ATP9B: variants seen among roughly 807,000 people sequenced by gnomAD.
ATP9B encodes ATPase phospholipid transporting 9B.
A neutral mutation model predicts 146.1 loss-of-function variants in ATP9B; 110 were observed. That is an observed-to-expected ratio of 0.75 (90% CI 0.65 to 0.88). The LOEUF (loss-of-function observed/expected upper bound fraction) is 0.88, where lower values mean the gene tolerates loss of function less well. ATP9B is among the 40% of genes least tolerant of loss of function. The pLI is 0.00. For missense variants in ATP9B, 1,499 were observed against 1,496.4 expected, an observed-to-expected ratio of 1.00 and a Z score of -0.03; for synonymous variants, 604 against 569.7, an observed-to-expected ratio of 1.06 and a Z score of -0.86.
intron 7 of ATP9B, among the ~76,000 whole-genome samples, chr18:79,174,380 A>T (rs921920203): frequency 6.6e-6 from 1 of 152,228 alleles, no homozygotes; most frequent in African/African-American, 2.4e-5. Context: ...GCATTTACAG[A>T]TTACAACCAC....
intron 13 of ATP9B, among the ~76,000 whole-genome samples, 171 bp from the exon 14 acceptor site, chr18:79,303,433 T>G (rs1193607942): frequency 6.6e-6 from 1 of 151,594 alleles, no homozygotes; most frequent in Non-Finnish European, 1.5e-5. Flanking sequence ...GTTCTTCCTA[T>G]TAAAATGAAA....
chr18:79,361,325 A>G (rs553854321), intron 26 of ATP9B: 1 of 152,336 alleles, frequency 6.6e-6, no homozygotes, highest in African/African-American at 2.4e-5. Context: ...ATAGGGCCAC[A>G]GGTGTCTGAC....
Position 79,366,274 on chromosome 18 carries a change from C to G in ATP9B, c.3013-6551C>G, listed in dbSNP as rs968539612. Reference sequence around the variant, plus strand: ...GGCGGACACCTGACCGTGCCTCTCTCAGAGCCCGCTGGACGGCACCAGCAT... The same window carrying G: ...GGCGGACACCTGACCGTGCCTCTCTGAGAGCCCGCTGGACGGCACCAGCAT... On this transcript the variant is annotated intron_variant, in intron 26 of 29. Transcript: ENST00000426216. Among the ~76,000 whole-genome samples, 8 of 152,204 alleles carry G rather than the reference C, an allele frequency of 5.3e-5. No homozygotes were observed. In the South Asian group the frequency reaches 1.0e-3, roughly 20 times the overall value.
At chr18:79,362,245 T>C (rs1016808476) in intron 26 of ATP9B, 15 of 152,324 alleles carry the variant, frequency 9.8e-5, no homozygotes, top group African/African-American at 3.6e-4. Flanking sequence ...AAGGCACGCA[T>C]TATAAATCTC....
At position 79,376,214 on chromosome 18, in the gene ATP9B, C is replaced by CACACACACACACACAAAA; in HGVS notation, c.3307+789_3307+790insCACACACACACACAAAAA. ...ACACACACACACACACACACACACACAAAACAAAACAAAAAAATGGCTAGC... is the reference window on the plus strand; with the variant it reads ...ACACACACACACACACACACACACACACACACACACACACAAAAAAAACAAAACAAAAAAATGGCTAGC... On this transcript the variant is annotated intron_variant, in intron 29 of 29. Transcript: ENST00000426216. 3,324 of 877,252 alleles carry CACACACACACACACAAAA rather than the reference C, an allele frequency of 3.8e-3. 113 individuals are homozygous for CACACACACACACACAAAA. Among genetic ancestry groups the CACACACACACACACAAAA allele is most frequent in the Admixed American group, 0.029 (357 of 12,518 alleles). The allele number at this position is 877,252 out of a possible 1,614,324, so 54.3% of individuals were successfully genotyped here. A position where few individuals can be genotyped will look rare whatever the true frequency, so the allele number is the denominator to read the frequency against.
intron 25 of ATP9B, chr18:79,354,572 A>C (rs1349283403): frequency 2.4e-5 from 1 of 41,596 alleles, no homozygotes; most frequent in African/African-American, 1.1e-4. Context: ...GTGTCTCAAA[A>C]AAAAAAAAAA....
rs1490528348 is a variant in ATP9B, at chr18:79,239,917, T to G, written c.1108-13464T>G. Among the ~76,000 whole-genome samples, 1 of 152,222 alleles carries G rather than the reference T, an allele frequency of 6.6e-6. No individual in the cohort carries two copies. The highest frequency in any genetic ancestry group is 1.9e-4 in the East Asian group (1 of 5,178). ...CCAAAGGATGAGCGGAGAGGCTTGC[T>G]CTGCCTGCGTCCCCATCAGCGGTGA... On this transcript the variant is annotated intron_variant, in intron 11 of 29. Transcript: ENST00000426216. This position sits in a 1 kb window ranked among gnomAD's most constrained non-coding sequence, Gnocchi z 5.1.
In ATP9B at chr18:79,081,641, C is replaced by T. The variant is rs1274474083; in HGVS notation, c.119+12112C>T. Among the ~76,000 whole-genome samples, 10 of 148,044 alleles carry T rather than the reference C, an allele frequency of 6.8e-5. No homozygotes were observed. The East Asian group carries it at 8.2e-4, about 12-fold the overall frequency. On this transcript the variant is annotated intron_variant, in intron 1 of 29. Transcript: ENST00000426216. ...GAAAAACCCTTCAAACCCTTTTCTT[C>T]GAAGGGTTTTTCGTGTCTCTATCTC...
chr18:79,217,983 C>T (rs185251788), intron 11 of ATP9B, among the ~76,000 whole-genome samples: 5 of 152,312 alleles, frequency 3.3e-5, no homozygotes, highest in East Asian at 3.9e-4. Context: ...TGGAGTTCGT[C>T]GTCAGCAGAG....
At chr18:79,326,737 C>T (rs866902180) in intron 15 of ATP9B, among the ~76,000 whole-genome samples, 7 of 152,310 alleles carry the variant, frequency 4.6e-5, no homozygotes, top group South Asian at 4.1e-4. Context: ...TGTGGTCAGA[C>T]GTGTGGGGAA....
intron 2 of ATP9B, among the ~76,000 whole-genome samples, chr18:79,100,842 T>C (rs1443080237): frequency 1.3e-5 from 2 of 152,096 alleles, no homozygotes; most frequent in Non-Finnish European, 2.9e-5. Flanking sequence ...AAAGAGAGCT[T>C]GTGCAGAAAA....
chr18:79,221,101 A>G (rs2148485262), intron 11 of ATP9B, among the ~76,000 whole-genome samples: 1 of 152,346 alleles, frequency 6.6e-6, no homozygotes, highest in Admixed American at 6.5e-5. Flanking sequence ...CCCTGACTCT[A>G]GCAGAGGGTG....
chr18:79,154,222 A>G (rs1045344045), intron 6 of ATP9B, among the ~76,000 whole-genome samples: 5 of 152,016 alleles, frequency 3.3e-5, no homozygotes, highest in Admixed American at 2.6e-4. Flanking sequence ...CGGCCTCCCA[A>G]GGTGCTGGAA....
intron 9 of ATP9B, among the ~76,000 whole-genome samples, chr18:79,201,709 A>G (rs1022582270): frequency 6.6e-6 from 1 of 152,016 alleles, no homozygotes; most frequent in Non-Finnish European, 1.5e-5. Context: ...AGTTGGGACT[A>G]CGGGTGTGCG....
intron 13 of ATP9B, among the ~76,000 whole-genome samples, chr18:79,289,910 G>T (rs918365265): frequency 1.3e-5 from 2 of 152,246 alleles, no homozygotes; most frequent in Non-Finnish European, 1.5e-5. Context: ...ATTAGCAGCA[G>T]TGGGTGCAGA....
At chr18:79,198,134 GAAAT>G (rs1255564358) in intron 9 of ATP9B, among the ~76,000 whole-genome samples, 16 of 151,816 alleles carry the variant, frequency 1.1e-4, no homozygotes, top group Non-Finnish European at 2.1e-4. Flanking sequence ...TATGGAATTA[GAAAT>G]AAATAAAAAA....
chr18:79,100,651 T>C (rs1016038486), intron 2 of ATP9B, among the ~76,000 whole-genome samples: 5 of 152,176 alleles, frequency 3.3e-5, no homozygotes, highest in Non-Finnish European at 7.3e-5. Flanking sequence ...AAAAATAGTA[T>C]AGAGGGGTCC....
At chr18:79,344,465 CAT>C (rs2096875270) in intron 21 of ATP9B, 111 bp downstream of exon 21, 4 of 935,120 alleles carry the variant, frequency 4.3e-6, no homozygotes, top group Non-Finnish European at 6.8e-6. Context: ...TGAGTGAGTA[CAT>C]GTCTGTCTGT....
intron 12 of ATP9B, chr18:79,255,302 C>T (rs2096067242): frequency 6.6e-6 from 1 of 152,176 alleles, no homozygotes; most frequent in South Asian, 2.1e-4. Context: ...GACTGTCATG[C>T]CAGAATTTAC....
Sources: gnomAD v4.1 joint callset for allele counts (sites outside exome capture counted in the v4.1 genomes callset) on GRCh38, gnomAD v4.1.1 for gene constraint, Gnocchi (gnomAD v3.1) non-coding constraint, MANE v1.5 for transcripts, NCBI Gene and HGNC (gene_info 2026-07-23, HGNC 2026-07-21) for gene names.